The following HECTD4 variants were observed in gnomAD, a reference collection of about 807,000 sequenced individuals.
The protein encoded by HECTD4 is probable E3 ubiquitin-protein ligase HECTD4.
Under a neutral mutation model 471.5 loss-of-function variants are expected in HECTD4, and 114 were observed. The observed-to-expected ratio is 0.24, with a 90% CI of 0.21 to 0.28. The LOEUF (loss-of-function observed/expected upper bound fraction) is 0.28. HECTD4 is among the 10% of genes least tolerant of loss of function. The pLI, the probability that HECTD4 is intolerant of heterozygous loss-of-function variation, is 1.00. For synonymous variants in HECTD4, 2,012 were observed against 2,256.0 expected (o/e 0.89, Z 3.07); for missense variants, 3,866 against 5,651.5 (o/e 0.68, Z 10.13).
At chr12:112,225,675 GAC>G (rs1242691242) in intron 44 of HECTD4, among the ~76,000 whole-genome samples, 1 of 140,776 alleles carries the variant, frequency 7.1e-6, no homozygotes. Flanking sequence ...AGATTAAAAA[GAC>G]ACAGCAACAA....
At chr12:112,350,942 TAGTCTCCCTAAAAA>T (rs1025873857) in intron 1 of HECTD4, among the ~76,000 whole-genome samples, 7 of 152,188 alleles carry the variant, frequency 4.6e-5, no homozygotes, top group African/African-American at 1.7e-4. Flanking sequence ...AAGGGCCCAT[TAGTCTCCCTAAAAA>T]AGAGCTTAAT....
intron 52 of HECTD4, among the ~76,000 whole-genome samples, chr12:112,206,476 T>C (rs1425296947): frequency 6.6e-6 from 1 of 151,100 alleles, no homozygotes; most frequent in Non-Finnish European, 1.5e-5. Context: ...GCCCAGTTAA[T>C]ATAGAGCGAG....
In HECTD4 at chr12:112,243,589, A is replaced by G. The variant is rs371813415; in HGVS notation, c.4791+31T>C. The stretch of plus-strand genomic sequence containing the variant: ...AAGACCCCGCATGCTGTTAGGTGCT[A>G]TTCATCTGGAGCCCGCAAAATGTGA... On this transcript the variant is annotated intron_variant, in intron 31 of 75. Coordinates refer to ENST00000682272, the MANE Select transcript of HECTD4 (RefSeq NM_001388303.1). This position sits in a 1 kb window ranked among gnomAD's most constrained non-coding sequence, Gnocchi z 6.6. 5.0e-6 allele frequency: 8 copies of G among 1,604,932 alleles called. No individual in the cohort carries two copies. The highest frequency in any genetic ancestry group is 2.2e-5 in the East Asian group (1 of 44,572).
intron 54 of HECTD4, 86 bp from the exon 55 acceptor site, chr12:112,200,884 CGTGT>C (rs3835014): frequency 0.13 from 86,628 of 651,252 alleles, 127 homozygotes; most frequent in South Asian, 0.18. Flanking sequence ...TGCGTGCGTG[CGTGT>C]GTGTGTGTGT....
intron 1 of HECTD4, among the ~76,000 whole-genome samples, chr12:112,370,846 C>T (rs565205044): frequency 6.6e-6 from 1 of 152,066 alleles, no homozygotes; most frequent in Non-Finnish European, 1.5e-5. Flanking sequence ...AAAAGTTACA[C>T]AATTTCTGCA....
intron 50 of HECTD4, among the ~76,000 whole-genome samples, chr12:112,209,758 G>A (rs1347437806): frequency 1.3e-5 from 2 of 152,186 alleles, no homozygotes; most frequent in Admixed American, 1.3e-4. Context: ...ACAAAGTCCT[G>A]GGGCTCTAGT....
chr12:112,171,784 T>C (rs1479925418), intron 67 of HECTD4, among the ~76,000 whole-genome samples: 1 of 152,212 alleles, frequency 6.6e-6, no homozygotes. Flanking sequence ...CAGGGCTCTG[T>C]GTCTGTTGCT....
At chr12:112,376,391 C>T (rs1445287678) in intron 1 of HECTD4, among the ~76,000 whole-genome samples, 2 of 151,996 alleles carry the variant, frequency 1.3e-5, no homozygotes, top group Non-Finnish European at 2.9e-5. Context: ...GGACTACAGG[C>T]GCCCGCCACC....
chr12:112,243,226 T>G lies in HECTD4; in HGVS notation c.4958+127A>C. ...GTTTTTTGCAAGATCATGTACCACT[T>G]TTATATAAATATTTTAGAGGAAAAC... On this transcript the variant is annotated intron_variant, in intron 32 of 75. Coordinates refer to ENST00000682272, the MANE Select transcript of HECTD4 (RefSeq NM_001388303.1). This position sits in a 1 kb window ranked among gnomAD's most constrained non-coding sequence, Gnocchi z 6.6. The G allele has an allele frequency of 2.3e-6, 2 of 871,916 alleles. No homozygotes were observed. The highest frequency in any genetic ancestry group is 3.5e-6 in the Non-Finnish European group (2 of 576,520). 54.0% of individuals were successfully genotyped at this position (871,916 alleles called of 1,614,324 possible).
intron 1 of HECTD4, among the ~76,000 whole-genome samples, chr12:112,373,387 G>C (rs180776190): frequency 1.0e-3 from 156 of 152,084 alleles, no homozygotes; most frequent in African/African-American, 3.5e-3. Context: ...ACAAAAAATA[G>C]CCAGGTGTGG....
intron 44 of HECTD4, 196 bp from the exon 45 acceptor site, chr12:112,219,685 T>C (rs188536283): frequency 4.5e-4 from 179 of 397,552 alleles, no homozygotes; most frequent in African/African-American, 3.4e-3. Flanking sequence ...CTGCAACCTC[T>C]GCCTCCTGGG....
At position 112,319,229 on chromosome 12, in the gene HECTD4, C is replaced by A. The variant is rs964920005; in HGVS notation, c.691G>T (p.Ala231Ser). The change falls in exon 2 of 76, where the codon GCC (alanine) becomes TCC (serine). Residue 231 changes from alanine (A) to serine (S), a missense_variant. By Grantham distance (99) the Ala-to-Ser change is moderately conservative. Coordinates refer to ENST00000682272, the MANE Select transcript of HECTD4 (RefSeq NM_001388303.1). This position sits in a 1 kb window ranked among gnomAD's most constrained non-coding sequence, Gnocchi z 5.3. ...GATACATTCGATTTTCCTTACCTGG[C>A]ACAAGCCAAAGCCACCAGGGCAGCA... is the stretch of plus-strand genomic sequence containing the variant. ...AAAALVALACARGSLKTFVHT... is the reference protein window; with the variant it reads ...AAAALVALACSRGSLKTFVHT... 105 of 1,536,046 alleles carry A rather than the reference C, an allele frequency of 6.8e-5. 1 individual carries two copies. The Admixed American group carries it at 1.9e-3, about 28-fold the overall frequency.
At chr12:112,241,017 T>C (rs1026936318) in intron 32 of HECTD4, among the ~76,000 whole-genome samples, 11 of 152,116 alleles carry the variant, frequency 7.2e-5, no homozygotes, top group African/African-American at 2.4e-4. Context: ...TGTTCAAAAA[T>C]AGGGAATTTG....
At chr12:112,342,965 A>AATTTACATGTAATT (rs1566118399) in intron 1 of HECTD4, among the ~76,000 whole-genome samples, 10 of 152,228 alleles carry the variant, frequency 6.6e-5, no homozygotes, top group African/African-American at 2.4e-4. Context: ...TATTACACTG[A>AATTTACATGTAATT]TGCACATGTA....
Position 112,167,452 on chromosome 12 carries a change from A to C in HECTD4, c.12399T>G (p.Ile4133Met), listed in dbSNP as rs1454143478. 1.7e-5 allele frequency: 27 copies of C among 1,613,346 alleles called. No homozygotes were observed. Among genetic ancestry groups the C allele is most frequent in the Non-Finnish European group, 2.3e-5 (27 of 1,179,698 alleles). Residue 4133 changes from isoleucine (I) to methionine (M), a missense_variant, in exon 72 of 76, where the codon ATT becomes ATG. Ile to Met is a conservative substitution (Grantham distance 10). This residue lies in a region of HECTD4 where 715 missense variants were observed against 1,087.6 expected (regional missense o/e 0.66). Coordinates refer to ENST00000682272, the MANE Select transcript of HECTD4 (RefSeq NM_001388303.1). ...CCAGGGGCAGCGGGACGTCTGCCCGAATTGCAATCCCCAGCAGCTGCCCCA... is the reference window on the plus strand; with the variant it reads ...CCAGGGGCAGCGGGACGTCTGCCCGCATTGCAATCCCCAGCAGCTGCCCCA... Reference protein sequence around the residue: ...HFLGQLLGIAIRADVPLPLDL... With the variant: ...HFLGQLLGIAMRADVPLPLDL...
chr12:112,278,584 G>A (rs1013882325), intron 9 of HECTD4, among the ~76,000 whole-genome samples: 1 of 152,222 alleles, frequency 6.6e-6, no homozygotes, highest in Non-Finnish European at 1.5e-5. Flanking sequence ...TTTTACATAT[G>A]TATTTTAATA....
At chr12:112,272,539 GC>G (rs2034437999) in intron 11 of HECTD4, among the ~76,000 whole-genome samples, 1 of 152,188 alleles carries the variant, frequency 6.6e-6, no homozygotes, top group Non-Finnish European at 1.5e-5. Context: ...TTTAAACTCT[GC>G]TCTGGTTTTT....
At chr12:112,218,862 G>A (rs2033006881) in intron 45 of HECTD4, among the ~76,000 whole-genome samples, 2 of 152,178 alleles carry the variant, frequency 1.3e-5, no homozygotes, top group Admixed American at 1.3e-4. Flanking sequence ...AGCCTCCCAA[G>A]TAGCTGGGAT....
rs2031572953 is a variant in HECTD4 at position 112,179,158 on chromosome 12, G to C, written c.11211+16C>G. Reference sequence around the variant, plus strand: ...ACCCAAGGCCCGGCCTGGGTATGGTGGGGACGGGCAGCTACCTGGGTGAGC... The same window carrying C: ...ACCCAAGGCCCGGCCTGGGTATGGTCGGGACGGGCAGCTACCTGGGTGAGC... On this transcript the variant is annotated intron_variant, in intron 63 of 75. Coordinates refer to ENST00000682272, the MANE Select transcript of HECTD4 (RefSeq NM_001388303.1). The surrounding 1 kb of genome is among the most constrained non-coding windows in gnomAD (Gnocchi z 4.3). 1 of 1,613,272 alleles carries C rather than the reference G, an allele frequency of 6.2e-7. No homozygotes were observed. Among genetic ancestry groups the C allele is most frequent in the Non-Finnish European group, 8.5e-7 (1 of 1,179,674 alleles).
Sources: allele counts gnomAD v4.1 joint callset (sites outside exome capture counted in the v4.1 genomes callset), GRCh38; gene constraint gnomAD v4.1.1; regional missense constraint gnomAD v4.1.1; non-coding constraint Gnocchi (gnomAD v3.1); transcripts MANE v1.5; gene names NCBI Gene and HGNC (gene_info 2026-07-23, HGNC 2026-07-21).